The following CABIN1 variants were observed in gnomAD, a reference collection of about 807,000 sequenced individuals.
CABIN1 encodes the protein calcineurin-binding protein cabin-1.
CABIN1 carries 133 observed loss-of-function variants against 227.7 expected under a neutral mutation model. That is an observed-to-expected ratio of 0.58 (90% confidence interval 0.51 to 0.67). The LOEUF (loss-of-function observed/expected upper bound fraction) is 0.67. Ranked by LOEUF, CABIN1 falls within the 30% of genes least tolerant of loss-of-function variation. The pLI, the probability that CABIN1 is intolerant of heterozygous loss-of-function variation, is 0.00. For synonymous variants in CABIN1, 1,086 were observed against 1,155.1 expected, an observed-to-expected ratio of 0.94 and a Z score of 1.21; for missense variants, 2,408 against 2,852.5, an observed-to-expected ratio of 0.84 and a Z score of 3.55.
intron 29 of CABIN1, among the ~76,000 whole-genome samples, chr22:24,146,149 A>G (rs1050412113): frequency 6.6e-6 from 1 of 152,216 alleles, no homozygotes; most frequent in Admixed American, 6.5e-5. Context: ...AAAAAGTTTA[A>G]ATTGAGGAAA....
chr22:24,165,016 G>A (rs767232125), intron 30 of CABIN1, among the ~76,000 whole-genome samples: 3 of 152,232 alleles, frequency 2.0e-5, no homozygotes, highest in Non-Finnish European at 4.4e-5. Flanking sequence ...AGATAACAGA[G>A]CCATCTGTTA....
At chr22:24,101,090 GC>G (rs2042176668) in intron 26 of CABIN1, among the ~76,000 whole-genome samples, 1 of 152,176 alleles carries the variant, frequency 6.6e-6, no homozygotes, top group Non-Finnish European at 1.5e-5. Context: ...TGGGCATGGG[GC>G]TTTCTGGATC....
In CABIN1 at chr22:24,059,919, G is replaced by C. The variant is rs1430703568; in HGVS notation, c.1400-5G>C. ...CAAGTCAGGTTGTTCTTGCTCCCCGGGCAGAAAAGCAGGACGTGCATGAGT... is the reference window on the plus strand; with the variant it reads ...CAAGTCAGGTTGTTCTTGCTCCCCGCGCAGAAAAGCAGGACGTGCATGAGT... On this transcript the variant is annotated splice_polypyrimidine_tract_variant and splice_region_variant and intron_variant, in intron 11 of 36. Transcript: ENST00000263119. 1 of 1,613,884 alleles carries C rather than the reference G, an allele frequency of 6.2e-7. No homozygotes were observed. The highest frequency in any genetic ancestry group is 8.5e-7 in the Non-Finnish European group (1 of 1,179,904).
chr22:24,043,196 A>G, intron 6 of CABIN1, 112 bp downstream of exon 6: 1 of 840,296 alleles, frequency 1.2e-6, no homozygotes, highest in Non-Finnish European at 2.0e-6. Context: ...GGTTTGCCAG[A>G]CTGTCAGGGA....
intron 29 of CABIN1, among the ~76,000 whole-genome samples, chr22:24,137,041 A>T (rs984156131): frequency 6.6e-6 from 1 of 152,170 alleles, no homozygotes; most frequent in South Asian, 2.1e-4. Context: ...GTGGGCTTCT[A>T]TTACCTGGCT....
chr22:24,087,691 T>C lies in CABIN1; in HGVS notation c.3503T>C (p.Leu1168Pro). Reference protein sequence around the residue: ...SRQLKQWRGELPPELVQQMEG... With the variant: ...SRQLKQWRGEPPPELVQQMEG... ...CAATTGAAGCAGTGGAGAGGCGAGC[T>C]GCCCCCTGAGCTCGTGCAGCAGGTG... Residue 1168 changes from leucine (L) to proline (P), a missense_variant, in exon 23 of 37, where the codon CTG becomes CCG. Transcript: ENST00000263119. 1 of 1,614,030 alleles carries C rather than the reference T, an allele frequency of 6.2e-7. No homozygotes were observed. The highest frequency in any genetic ancestry group is 8.5e-7 in the Non-Finnish European group (1 of 1,180,024).
intron 15 of CABIN1, among the ~76,000 whole-genome samples, chr22:24,066,567 C>T (rs1307742096): frequency 6.6e-6 from 1 of 152,222 alleles, no homozygotes; most frequent in African/African-American, 2.4e-5. Context: ...GTCTACATGC[C>T]AGGGCTTCGT....
intron 1 of CABIN1, among the ~76,000 whole-genome samples, chr22:24,022,882 CT>C (rs1433465145): frequency 5.3e-5 from 8 of 152,124 alleles, no homozygotes; most frequent in Non-Finnish European, 8.8e-5. Flanking sequence ...CTGTTCAAGT[CT>C]TTTGCCCATT....
At chr22:24,101,864 T>A (rs945109105) in intron 26 of CABIN1, 1 of 138,814 alleles carries the variant, frequency 7.2e-6, no homozygotes, top group African/African-American at 3.3e-5. Flanking sequence ...TATGCGTGTA[T>A]GTATGTGTGT....
At chr22:24,037,319 A>G (rs1185927377) in intron 3 of CABIN1, among the ~76,000 whole-genome samples, 1 of 151,170 alleles carries the variant, frequency 6.6e-6, no homozygotes, top group Non-Finnish European at 1.5e-5. Context: ...TTGTTTATTT[A>G]AGAGATAGGG....
At chr22:24,032,425 G>A (rs1476452149) in intron 1 of CABIN1, among the ~76,000 whole-genome samples, 1 of 152,192 alleles carries the variant, frequency 6.6e-6, no homozygotes, top group Non-Finnish European at 1.5e-5. Flanking sequence ...TTTGGCTATT[G>A]TGATAATGCT....
At chr22:24,012,386 T>C (rs1408731931) in intron 1 of CABIN1, among the ~76,000 whole-genome samples, 1 of 152,068 alleles carries the variant, frequency 6.6e-6, no homozygotes, top group Non-Finnish European at 1.5e-5. Context: ...ACAAAAAGGG[T>C]GGGCTGGTTA....
chr22:24,065,608 C>T (rs1285044749), intron 15 of CABIN1, among the ~76,000 whole-genome samples: 1 of 152,152 alleles, frequency 6.6e-6, no homozygotes, highest in Non-Finnish European at 1.5e-5. Context: ...GGGTGGCGGC[C>T]GGGCAGAGGC....
intron 1 of CABIN1, among the ~76,000 whole-genome samples, chr22:24,019,131 T>G (rs1435437760): frequency 1.5e-5 from 2 of 130,850 alleles, no homozygotes; most frequent in Admixed American, 7.6e-5. Flanking sequence ...TTTTTTTTTT[T>G]TTTTTTTTTT....
rs376673269 is a variant in CABIN1 at position 24,038,078 on chromosome 22, C to T, written c.97-270C>T. On this transcript the variant is annotated intron_variant, in intron 3 of 36. Coordinates refer to ENST00000263119, the MANE Select transcript of CABIN1 (RefSeq NM_012295.4). ...ACCCTCCCAGCACCTTGATGTTGTT[C>T]ACCAACTTAGCAGCTTTCTGAACCC... is the stretch of plus-strand genomic sequence containing the variant. Among the ~76,000 whole-genome samples the T allele has an allele frequency of 2.6e-5, 4 of 152,316 alleles. No homozygotes were observed. The East Asian group carries it at 5.8e-4, about 22-fold the overall frequency.
chr22:24,132,121 G>T (rs942647776), intron 28 of CABIN1, among the ~76,000 whole-genome samples: 1 of 151,736 alleles, frequency 6.6e-6, no homozygotes, highest in South Asian at 2.1e-4. Flanking sequence ...ACCTATGGCT[G>T]ATTAGACCAG....
At chr22:24,064,309 G>A (rs2039424617) in intron 15 of CABIN1, 122 bp downstream of exon 15, 2 of 1,078,900 alleles carry the variant, frequency 1.9e-6, no homozygotes, top group African/African-American at 1.6e-5. Flanking sequence ...GGGTTCAAGG[G>A]ATTCTCCTGC....
At chr22:24,070,375 G>A (rs549623459) in intron 16 of CABIN1, among the ~76,000 whole-genome samples, 6 of 152,308 alleles carry the variant, frequency 3.9e-5, no homozygotes, top group African/African-American at 9.6e-5. Context: ...GCCCTCCTCC[G>A]CTGAGGTAGT....
chr22:24,162,554 C>T lies in CABIN1; in HGVS notation c.4747-1846C>T, dbSNP rs117552774. On this transcript the variant is annotated intron_variant, in intron 29 of 36. Transcript: ENST00000263119. ...GACCCTGCCCGGGAAACGTGCCCTT[C>T]AGCACACTGTTACCAGAAAAAGGCC... 1.8e-3 allele frequency among the ~76,000 whole-genome samples: 268 copies of T among 152,358 alleles called. 4 individuals carry two copies. In the East Asian group the frequency reaches 0.028, roughly 16 times the overall value.
Sources: allele counts gnomAD v4.1 joint callset (sites outside exome capture counted in the v4.1 genomes callset), GRCh38; gene constraint gnomAD v4.1.1; transcripts MANE v1.5; gene names NCBI Gene and HGNC (gene_info 2026-07-23, HGNC 2026-07-21).